Variants in MYO16 observed in about 807,000 individuals in gnomAD.
The protein encoded by MYO16 is unconventional myosin-XVI.
A neutral mutation model predicts 205.3 loss-of-function variants in MYO16; 94 were observed. The ratio of observed to expected loss-of-function variants is 0.46; its 90% CI spans 0.39 to 0.54. The LOEUF is 0.54. Ranked by LOEUF, MYO16 falls within the 20% of genes least tolerant of loss-of-function variation. The pLI is 0.00. For missense variants in MYO16, 2,315 were observed against 2,387.5 expected, an observed-to-expected ratio of 0.97 and a Z score of 0.63; for synonymous variants, 988 against 954.0, an observed-to-expected ratio of 1.04 and a Z score of -0.66.
At position 108,957,383 on chromosome 13, in the gene MYO16, CA is replaced by C. The variant is rs33954239; in HGVS notation, c.1926-287del. On this transcript the variant is annotated intron_variant, in intron 16 of 34. Transcript: ENST00000457511. ...GGATGACAAGAGTGAAACTCCATCT[CA>C]AAAAAAAAAAAAAAAAACAAAAACA... 9.5e-4 allele frequency among the ~76,000 whole-genome samples: 92 copies of C among 96,922 alleles called. 1 individual carries two copies. The highest frequency in any genetic ancestry group is 2.1e-3 in the African/African-American group (49 of 23,516). The allele number at this position is 96,922 out of a possible 152,430, so 63.6% of individuals were successfully genotyped here.
rs183078092 is a variant in MYO16 at position 109,136,408 on chromosome 13, A to T, written c.4052-3856A>T. On this transcript the variant is annotated intron_variant, in intron 31 of 34. Transcript: ENST00000457511. ...GTGCCTGCCTGGAAGTCATTTCTTA[A>T]CATTCAAATTATTTGCCATCTGAAG... is the stretch of plus-strand genomic sequence containing the variant. Among the ~76,000 whole-genome samples the T allele has an allele frequency of 6.6e-5, 10 of 152,260 alleles. No homozygotes were observed. The East Asian group carries it at 1.4e-3, about 21-fold the overall frequency.
intron 32 of MYO16, among the ~76,000 whole-genome samples, chr13:109,159,083 C>T (rs760266424): frequency 5.3e-5 from 8 of 152,300 alleles, no homozygotes; most frequent in Middle Eastern, 6.8e-3. Context: ...TATGTATGGA[C>T]CTTGTGTCTT....
the MYO16 span, among the ~76,000 whole-genome samples, chr13:108,574,292 T>A: frequency 0.17 from 26,095 of 152,140 alleles, 2,485 homozygotes; most frequent in Non-Finnish European, 0.22. Context: ...CAGGAAACTG[T>A]CTAAAAGCTC....
At chr13:109,138,210 C>T (rs1327808069) in intron 31 of MYO16, among the ~76,000 whole-genome samples, 1 of 152,162 alleles carries the variant, frequency 6.6e-6, no homozygotes, top group Non-Finnish European at 1.5e-5. Context: ...TCAAAATGTG[C>T]AGTCATAGAG....
At chr13:108,667,942 A>G (rs1254313525) in intron 2 of MYO16, among the ~76,000 whole-genome samples, 1 of 152,128 alleles carries the variant, frequency 6.6e-6, no homozygotes, top group Non-Finnish European at 1.5e-5. Context: ...CAAGGAGTTG[A>G]GGTGAGAGGA....
intron 31 of MYO16, among the ~76,000 whole-genome samples, chr13:109,138,737 C>T (rs188361216): frequency 6.6e-6 from 1 of 151,916 alleles, no homozygotes; most frequent in African/African-American, 2.4e-5. Flanking sequence ...TGAACAAAGT[C>T]CTTTTTTAAA....
intron 14 of MYO16, among the ~76,000 whole-genome samples, chr13:108,892,027 C>T (rs984499755): frequency 2.0e-5 from 3 of 151,982 alleles, no homozygotes; most frequent in African/African-American, 7.3e-5. Context: ...TATTATTTTG[C>T]ATATTTTATA....
At chr13:108,528,545 G>A in the MYO16 span, among the ~76,000 whole-genome samples, 9 of 110,308 alleles carry the variant, frequency 8.2e-5, no homozygotes, top group African/African-American at 2.5e-4. Flanking sequence ...ATTTTATTTT[G>A]TCTCTCCTCT....
chr13:109,101,938 G>C (rs1014459726), intron 28 of MYO16: 13 of 152,090 alleles, frequency 8.5e-5, no homozygotes, highest in African/African-American at 3.1e-4. Context: ...TCCAAAAGTG[G>C]CCCAGTCTAA....
intron 10 of MYO16, among the ~76,000 whole-genome samples, chr13:108,849,517 T>C (rs1346402207): frequency 1.4e-5 from 2 of 142,774 alleles, no homozygotes; most frequent in Non-Finnish European, 3.1e-5. Context: ...TTTTTTTAAT[T>C]TCCTCCTTTG....
At chr13:108,973,791 G>A (rs960077633) in intron 20 of MYO16, among the ~76,000 whole-genome samples, 1 of 152,286 alleles carries the variant, frequency 6.6e-6, no homozygotes, top group African/African-American at 2.4e-5. Context: ...TAGAGAATCG[G>A]CACTAATAAG....
intron 1 of MYO16, among the ~76,000 whole-genome samples, chr13:108,615,990 T>A (rs530231200): frequency 6.6e-6 from 1 of 152,314 alleles, no homozygotes; most frequent in East Asian, 1.9e-4. Flanking sequence ...GTAGAACACA[T>A]CACTCTGTCT....
chr13:108,910,118 T>C lies in MYO16; in HGVS notation c.1893T>C (p.Tyr631=), dbSNP rs1881186371. The change falls in exon 16 of 35, where the codon TAT becomes TAC. Residue 631 remains tyrosine (Y), a synonymous_variant. Transcript: ENST00000457511. ...ATGGGTTATCTGCTGAAGAAAAATATGGACTTCATCTTAATAATTTATGTG... is the reference window on the plus strand; with the variant it reads ...ATGGGTTATCTGCTGAAGAAAAATACGGACTTCATCTTAATAATTTATGTG... ...LMDGLSAEEK[Y]GLHLNNLCAH... 1 of 1,613,408 alleles carries C rather than the reference T, an allele frequency of 6.2e-7. No homozygotes were observed. The highest frequency in any genetic ancestry group is 1.1e-5 in the South Asian group (1 of 91,058).
chr13:109,159,470 A>T (rs1162821106), intron 32 of MYO16, among the ~76,000 whole-genome samples: 1 of 152,236 alleles, frequency 6.6e-6, no homozygotes, highest in Non-Finnish European at 1.5e-5. Flanking sequence ...ACATTATTAA[A>T]ACTAATTTAT....
chr13:108,704,788 G>A (rs1200538690), intron 2 of MYO16, among the ~76,000 whole-genome samples: 1 of 151,768 alleles, frequency 6.6e-6, no homozygotes, highest in Non-Finnish European at 1.5e-5. Flanking sequence ...AAAAAGTAGT[G>A]AACAATATCC....
At chr13:108,681,743 A>G (rs1234800946) in intron 2 of MYO16, among the ~76,000 whole-genome samples, 1 of 152,184 alleles carries the variant, frequency 6.6e-6, no homozygotes, top group African/African-American at 2.4e-5. Flanking sequence ...GAGATTTCTA[A>G]AGCCATCCAT....
chr13:108,861,567 GC>G (rs1222392139), intron 11 of MYO16, among the ~76,000 whole-genome samples: 2 of 152,124 alleles, frequency 1.3e-5, no homozygotes, highest in South Asian at 4.1e-4. Context: ...AATATGTTCA[GC>G]TTTGGTAGAT....
chr13:108,510,468 T>TTTG, the MYO16 span, among the ~76,000 whole-genome samples: 4 of 62,852 alleles, frequency 6.4e-5, no homozygotes, highest in East Asian at 1.0e-3. Flanking sequence ...GCTGTTTTTT[T>TTTG]TTTTTTTTTT....
chr13:108,815,965 A>G (rs1292372475), intron 7 of MYO16, among the ~76,000 whole-genome samples: 2 of 152,212 alleles, frequency 1.3e-5, no homozygotes, highest in East Asian at 3.9e-4. Context: ...CCAGTAGATC[A>G]ATGGAACCTA....
Sources: gnomAD v4.1 joint callset for allele counts (sites outside exome capture counted in the v4.1 genomes callset) on GRCh38, gnomAD v4.1.1 for gene constraint, MANE v1.5 for transcripts, NCBI Gene and HGNC (gene_info 2026-07-23, HGNC 2026-07-21) for gene names.